Variants in NIBAN1 observed in about 807,000 individuals in gnomAD.
NIBAN1 encodes niban apoptosis regulator 1.
A neutral mutation model predicts 75.1 loss-of-function variants in NIBAN1; 81 were observed. The observed-to-expected ratio is 1.08, with a 90% confidence interval of 0.90 to 1.30. NIBAN1 has a LOEUF of 1.30. Ranked by LOEUF, NIBAN1 falls within the 50% of genes most tolerant of loss-of-function variation. The probability of loss-of-function intolerance (pLI) is 0.00; values close to 1 mark genes in which losing one functional copy is unlikely to be tolerated. For synonymous variants in NIBAN1, 436 were observed against 424.8 expected (o/e 1.03, Z -0.32); for missense variants, 1,133 against 1,128.1 (o/e 1.00, Z -0.06).
At chr1:184,910,525 G>C (rs530969509) in intron 1 of NIBAN1, among the ~76,000 whole-genome samples, 1 of 152,128 alleles carries the variant, frequency 6.6e-6, no homozygotes, top group Admixed American at 6.5e-5. Context: ...TTCTCTGTTA[G>C]TACTACATTA....
At chr1:184,829,497 C>T (rs935906370) in intron 6 of NIBAN1, among the ~76,000 whole-genome samples, 9 of 123,094 alleles carry the variant, frequency 7.3e-5, no homozygotes, top group Non-Finnish European at 6.5e-5. Context: ...GATGGAGTTT[C>T]ATACTGTCAC....
intron 5 of NIBAN1, among the ~76,000 whole-genome samples, chr1:184,839,068 A>C (rs759550766): frequency 3.9e-5 from 6 of 152,180 alleles, no homozygotes; most frequent in Non-Finnish European, 7.3e-5. Context: ...ACACTTACTG[A>C]GTCCCTACCA....
At chr1:184,825,085 C>G (rs999396503) in intron 6 of NIBAN1, among the ~76,000 whole-genome samples, 1 of 152,120 alleles carries the variant, frequency 6.6e-6, no homozygotes, top group Non-Finnish European at 1.5e-5. Context: ...TTCCAGTGAC[C>G]CCTATTGAGA....
At chr1:184,963,449 G>A (rs1571609566) in intron 1 of NIBAN1, among the ~76,000 whole-genome samples, 1 of 151,828 alleles carries the variant, frequency 6.6e-6, no homozygotes, top group Admixed American at 6.6e-5. Context: ...TAAAAAATGA[G>A]GTATAAAGAT....
intron 1 of NIBAN1, among the ~76,000 whole-genome samples, chr1:184,960,258 C>T (rs545121561): frequency 6.6e-6 from 1 of 152,174 alleles, no homozygotes; most frequent in Admixed American, 6.5e-5. Flanking sequence ...AATTTAGATG[C>T]AAGATCCCCT....
At chr1:184,916,263 T>C (rs1472119247) in intron 1 of NIBAN1, among the ~76,000 whole-genome samples, 2 of 152,176 alleles carry the variant, frequency 1.3e-5, no homozygotes, top group African/African-American at 4.8e-5. Flanking sequence ...GAGATATCGA[T>C]GTAGGGGAAC....
At chr1:184,970,947 G>GT (rs932677580) in intron 1 of NIBAN1, among the ~76,000 whole-genome samples, 32 of 151,476 alleles carry the variant, frequency 2.1e-4, no homozygotes, top group Admixed American at 4.6e-4. Flanking sequence ...TTGTTTTGGG[G>GT]TTTTTTTTTA....
At chr1:184,971,199 C>T (rs1001626998) in intron 1 of NIBAN1, among the ~76,000 whole-genome samples, 1 of 152,002 alleles carries the variant, frequency 6.6e-6, no homozygotes, top group Non-Finnish European at 1.5e-5. Context: ...GGGAGGATCA[C>T]CTGAGCCAGG....
intron 8 of NIBAN1, among the ~76,000 whole-genome samples, chr1:184,820,651 T>G (rs1364731559): frequency 6.6e-6 from 1 of 152,230 alleles, no homozygotes; most frequent in Admixed American, 6.5e-5. Flanking sequence ...TTTGATACAT[T>G]AATTCATAAG....
At chr1:184,927,207 G>T (rs1322133263) in intron 1 of NIBAN1, among the ~76,000 whole-genome samples, 1 of 152,102 alleles carries the variant, frequency 6.6e-6, no homozygotes, top group Non-Finnish European at 1.5e-5. Context: ...GGATGGTCTT[G>T]ATGCTTGTGG....
Position 184,823,328 on chromosome 1 carries a change from A to T in NIBAN1, c.824T>A (p.Leu275His). Reference sequence around the variant, plus strand: ...AACCAGGGTGTAGGCCTCCTCGAGGAGCTGCAACAAGGAATAACACATAAA... The same window carrying T: ...AACCAGGGTGTAGGCCTCCTCGAGGTGCTGCAACAAGGAATAACACATAAA... Reference protein sequence around the residue: ...KNDRKRTWLGLLEEAYTLVQH... With the variant: ...KNDRKRTWLGHLEEAYTLVQH... The change falls in exon 8 of 14, where the codon CTC becomes CAC. Residue 275 changes from leucine (L) to histidine (H), a missense_variant and splice_region_variant. Transcript: ENST00000367511. 1 of 1,613,968 alleles carries T rather than the reference A, an allele frequency of 6.2e-7. No homozygotes were observed. The highest frequency in any genetic ancestry group is 2.2e-5 in the East Asian group (1 of 44,870).
At chr1:184,905,715 C>A (rs1205590242) in intron 1 of NIBAN1, among the ~76,000 whole-genome samples, 3 of 152,138 alleles carry the variant, frequency 2.0e-5, no homozygotes, top group African/African-American at 4.8e-5. Flanking sequence ...TGGCATTCTC[C>A]CAAGATTGTG....
chr1:184,815,653 A>G (rs1199302160), intron 9 of NIBAN1, among the ~76,000 whole-genome samples: 1 of 152,188 alleles, frequency 6.6e-6, no homozygotes, highest in Non-Finnish European at 1.5e-5. Flanking sequence ...TTTATTTGTG[A>G]AGGATTTTGC....
chr1:184,827,326 C>T (rs1489984735), intron 6 of NIBAN1, among the ~76,000 whole-genome samples: 5 of 151,986 alleles, frequency 3.3e-5, no homozygotes, highest in East Asian at 1.9e-4. Context: ...CCTCATCCTC[C>T]GACTTTCAGC....
intron 12 of NIBAN1, among the ~76,000 whole-genome samples, chr1:184,799,088 A>T (rs952635627): frequency 3.3e-5 from 5 of 152,014 alleles, no homozygotes; most frequent in African/African-American, 1.2e-4. Context: ...CATGTGCACA[A>T]TGTGCAGGTT....
At chr1:184,968,209 C>CAA (rs1176738165) in intron 1 of NIBAN1, among the ~76,000 whole-genome samples, 6 of 8,802 alleles carry the variant, frequency 6.8e-4, no homozygotes, top group African/African-American at 1.5e-3. Flanking sequence ...GACTCCGTCT[C>CAA]AAAAAAAAAA....
At chr1:184,957,540 C>T (rs1658520773) in intron 1 of NIBAN1, among the ~76,000 whole-genome samples, 1 of 152,152 alleles carries the variant, frequency 6.6e-6, no homozygotes, top group Non-Finnish European at 1.5e-5. Flanking sequence ...AGGTATTATT[C>T]AGCAGTATGT....
At chr1:184,799,038 TTTTA>T (rs1207596834) in intron 12 of NIBAN1, among the ~76,000 whole-genome samples, 1 of 152,148 alleles carries the variant, frequency 6.6e-6, no homozygotes, top group East Asian at 1.9e-4. Context: ...TTTTGTTTTA[TTTTA>T]TTTTTTATTA....
chr1:184,826,621 A>G (rs1654847952), intron 6 of NIBAN1, among the ~76,000 whole-genome samples: 1 of 152,186 alleles, frequency 6.6e-6, no homozygotes. Flanking sequence ...AATTGTCCCA[A>G]TTCATCCTTT....
Sources: gnomAD v4.1 joint callset for allele counts (sites outside exome capture counted in the v4.1 genomes callset) on GRCh38, gnomAD v4.1.1 for gene constraint, MANE v1.5 for transcripts, NCBI Gene and HGNC (gene_info 2026-07-23, HGNC 2026-07-21) for gene names.